Variants in SSH2 observed in about 807,000 individuals in gnomAD.
SSH2 encodes slingshot protein phosphatase 2.
Under a neutral mutation model 135.2 loss-of-function variants are expected in SSH2, and 37 were observed. That is an observed-to-expected ratio of 0.27 (90% CI 0.21 to 0.36). The LOEUF is 0.36. Among genes scored for constraint, SSH2 ranks in the 10% least tolerant of loss-of-function variants. The pLI is 1.00. For synonymous variants in SSH2, 628 were observed against 646.2 expected (o/e 0.97, Z 0.43); for missense variants, 1,408 against 1,765.3 (o/e 0.80, Z 3.63).
intron 11 of SSH2, 67 bp from the exon 12 acceptor site, chr17:29,655,674 C>G (rs371968761): frequency 4.2e-6 from 6 of 1,443,448 alleles, no homozygotes; most frequent in Non-Finnish European, 5.8e-6. Context: ...TGAAAAGGAG[C>G]GAGAGAAGAA....
intron 5 of SSH2, among the ~76,000 whole-genome samples, chr17:29,688,008 G>GTTTTTTTTTTT (rs201740279): frequency 6.8e-6 from 1 of 147,518 alleles, no homozygotes; most frequent in Non-Finnish European, 1.5e-5. Context: ...AAACATTAGT[G>GTTTTTTTTTTT]TTTTTTTTTT....
At chr17:29,852,930 C>T (rs1372887428) in intron 1 of SSH2, among the ~76,000 whole-genome samples, 3 of 151,830 alleles carry the variant, frequency 2.0e-5, no homozygotes, top group African/African-American at 7.3e-5. Flanking sequence ...ATGGCTTATT[C>T]CAAGATTGCA....
At chr17:29,885,914 G>A (rs1239829122) in intron 1 of SSH2, among the ~76,000 whole-genome samples, 1 of 152,152 alleles carries the variant, frequency 6.6e-6, no homozygotes, top group Non-Finnish European at 1.5e-5. Context: ...GGAACTGTGA[G>A]TCCATTAAAA....
chr17:29,738,150 T>A (rs1330893790), intron 3 of SSH2, among the ~76,000 whole-genome samples: 1 of 152,200 alleles, frequency 6.6e-6, no homozygotes, highest in East Asian at 1.9e-4. Context: ...ATTGTTCAAT[T>A]CTCACCTATA....
chr17:29,751,186 C>A (rs924974880), intron 3 of SSH2, among the ~76,000 whole-genome samples: 2 of 152,140 alleles, frequency 1.3e-5, no homozygotes, highest in African/African-American at 4.8e-5. Flanking sequence ...GAGGCCGAGG[C>A]GGGTGGATCA....
chr17:29,702,948 G>A lies in SSH2; in HGVS notation c.292+11C>T, dbSNP rs1567896133. The A allele has an allele frequency of 1.3e-6, 2 of 1,575,492 alleles. No individual in the cohort carries two copies. The highest frequency in any genetic ancestry group is 1.7e-6 in the Non-Finnish European group (2 of 1,144,984). ...TTACCAAGAAAGAAATGGTGTATAT[G>A]CAAGCATTACCTGCATGCTTGTTCC... is the stretch of plus-strand genomic sequence containing the variant. On this transcript the variant is annotated intron_variant, in intron 4 of 15. Coordinates refer to ENST00000540801, the MANE Select transcript of SSH2 (RefSeq NM_001282129.2).
intron 2 of SSH2, among the ~76,000 whole-genome samples, chr17:29,802,561 T>TC (rs2042267961): frequency 1.5e-5 from 2 of 135,416 alleles, no homozygotes. Flanking sequence ...GGTAGGAGAA[T>TC]CCCTTGAGGC....
At chr17:29,829,458 G>A (rs536324003) in intron 2 of SSH2, among the ~76,000 whole-genome samples, 52 of 150,520 alleles carry the variant, frequency 3.5e-4, no homozygotes, top group Non-Finnish European at 5.9e-4. Context: ...CCCAACTGTC[G>A]ATGGCTTGTG....
chr17:29,752,979 T>C (rs1459013159), intron 3 of SSH2, among the ~76,000 whole-genome samples: 21 of 152,150 alleles, frequency 1.4e-4, no homozygotes, highest in Admixed American at 1.4e-3. Context: ...CCTGGCTGGA[T>C]AATCTCAGAC....
At chr17:29,724,872 G>GA (rs1232486467) in intron 3 of SSH2, among the ~76,000 whole-genome samples, 1 of 151,452 alleles carries the variant, frequency 6.6e-6, no homozygotes, top group Non-Finnish European at 1.5e-5. Context: ...TTACAGGTGT[G>GA]AACCACCGTG....
chr17:29,687,188 G>A (rs75770945), intron 5 of SSH2, among the ~76,000 whole-genome samples: 1 of 152,058 alleles, frequency 6.6e-6, no homozygotes, highest in Non-Finnish European at 1.5e-5. Flanking sequence ...CCAGGCCAAG[G>A]GAAAAAGAGG....
intron 3 of SSH2, among the ~76,000 whole-genome samples, chr17:29,720,482 C>T (rs963506751): frequency 6.6e-6 from 1 of 152,154 alleles, no homozygotes; most frequent in South Asian, 2.1e-4. Flanking sequence ...AAATATTAAA[C>T]CACGGGGAAC....
intron 3 of SSH2, among the ~76,000 whole-genome samples, chr17:29,759,236 A>G (rs913409333): frequency 4.0e-5 from 6 of 151,446 alleles, no homozygotes; most frequent in African/African-American, 9.7e-5. Flanking sequence ...GAGTCTCACT[A>G]TGTTGCCCAG....
chr17:29,926,176 T>G (rs531117652), intron 1 of SSH2, among the ~76,000 whole-genome samples: 3 of 152,222 alleles, frequency 2.0e-5, no homozygotes, highest in African/African-American at 7.2e-5. Context: ...TAGAACAGCC[T>G]CTCACTGGCT....
chr17:29,731,617 G>A (rs1035243299), intron 3 of SSH2, among the ~76,000 whole-genome samples: 1 of 151,896 alleles, frequency 6.6e-6, no homozygotes, highest in African/African-American at 2.4e-5. Context: ...CGCTACACCC[G>A]GCTAATCTGT....
At chr17:29,823,833 C>T (rs1051282695) in intron 2 of SSH2, among the ~76,000 whole-genome samples, 3 of 136,542 alleles carry the variant, frequency 2.2e-5, no homozygotes, top group Non-Finnish European at 3.0e-5. Flanking sequence ...GAACCGAGAT[C>T]ATGCCATTGC....
At chr17:29,899,986 C>A (rs2066516857) in intron 1 of SSH2, among the ~76,000 whole-genome samples, 1 of 152,118 alleles carries the variant, frequency 6.6e-6, no homozygotes, top group African/African-American at 2.4e-5. Flanking sequence ...CACATATCTA[C>A]AACTATCTGA....
At chr17:29,886,445 C>T (rs773801677) in intron 1 of SSH2, among the ~76,000 whole-genome samples, 5 of 151,768 alleles carry the variant, frequency 3.3e-5, no homozygotes, top group Non-Finnish European at 1.5e-5. Context: ...GAAGAAGCAG[C>T]GCATAAAAGT....
At chr17:29,909,935 CATTGTTGTTGTT>C (rs1567647608) in intron 1 of SSH2, among the ~76,000 whole-genome samples, 3 of 152,094 alleles carry the variant, frequency 2.0e-5, no homozygotes, top group Non-Finnish European at 4.4e-5. Context: ...TTTATTCTAT[CATTGTTGTTGTT>C]ATTGTTGTTG....
Sources: allele counts gnomAD v4.1 joint callset (sites outside exome capture counted in the v4.1 genomes callset), GRCh38; gene constraint gnomAD v4.1.1; transcripts MANE v1.5; gene names NCBI Gene and HGNC (gene_info 2026-07-23, HGNC 2026-07-21).